The following NPAT variants were observed in gnomAD, a reference collection of about 807,000 sequenced individuals.
The protein encoded by NPAT is protein NPAT.
NPAT carries 52 observed loss-of-function variants against 130.7 expected under a neutral mutation model. The ratio of observed to expected loss-of-function variants is 0.40; its 90% CI spans 0.32 to 0.50. The LOEUF (loss-of-function observed/expected upper bound fraction) is 0.50, where lower values mean the gene tolerates loss of function less well. Ranked by LOEUF, NPAT falls within the 20% of genes least tolerant of loss-of-function variation. NPAT has a pLI of 0.68. For missense variants in NPAT, 1,687 were observed against 1,662.6 expected (o/e 1.01, Z -0.26); for synonymous variants, 580 against 584.8 (o/e 0.99, Z 0.12).
At chr11:108,209,888 C>CAAAAAAAAAAAAAAAAAAAAAA (rs58890849) in intron 1 of NPAT, among the ~76,000 whole-genome samples, 1 of 70,806 alleles carries the variant, frequency 1.4e-5, no homozygotes, top group Non-Finnish European at 2.5e-5. Flanking sequence ...GACTTCATCT[C>CAAAAAAAAAAAAAAAAAAAAAA]AAAAAAAAAA....
chr11:108,196,817 G>T (rs2078226292), intron 2 of NPAT, among the ~76,000 whole-genome samples: 1 of 152,118 alleles, frequency 6.6e-6, no homozygotes, highest in Non-Finnish European at 1.5e-5. Context: ...AGACATTCAT[G>T]TTATCTGTGA....
chr11:108,178,994 C>G (rs1321881186), intron 10 of NPAT, among the ~76,000 whole-genome samples: 1 of 152,138 alleles, frequency 6.6e-6, no homozygotes, highest in Non-Finnish European at 1.5e-5. Flanking sequence ...TTGATAGTAA[C>G]CAACACGGTA....
intron 10 of NPAT, among the ~76,000 whole-genome samples, chr11:108,177,964 G>A (rs879679418): frequency 6.6e-6 from 1 of 152,060 alleles, no homozygotes; most frequent in Non-Finnish European, 1.5e-5. Flanking sequence ...CATGCGATCC[G>A]CCCACCTCGG....
At position 108,222,596 on chromosome 11, in the gene NPAT, C is replaced by T; in HGVS notation, c.-60G>A. On this transcript the variant is annotated 5_prime_UTR_variant, in exon 1 of 18. Coordinates refer to ENST00000278612, the MANE Select transcript of NPAT (RefSeq NM_002519.3). ...AAGACTCAGGTTAAAGCAAACACAG[C>T]GACAGCTCCTGCGCCGCATCTCCTG... The T allele has an allele frequency of 6.3e-7, 1 of 1,583,906 alleles. No homozygotes were observed. The highest frequency in any genetic ancestry group is 8.7e-7 in the Non-Finnish European group (1 of 1,155,292).
intron 10 of NPAT, among the ~76,000 whole-genome samples, chr11:108,182,533 T>C (rs1446937495): frequency 2.0e-5 from 3 of 152,262 alleles, no homozygotes; most frequent in Non-Finnish European, 4.4e-5. Flanking sequence ...AGTCTCACTC[T>C]GTCGCCTACG....
intron 1 of NPAT, among the ~76,000 whole-genome samples, chr11:108,207,171 T>C (rs2078336759): frequency 6.6e-6 from 1 of 152,244 alleles, no homozygotes. Flanking sequence ...TTCTCACAGC[T>C]GGTAGTCCCA....
chr11:108,209,286 A>T (rs1469579953), intron 1 of NPAT, among the ~76,000 whole-genome samples: 1 of 152,012 alleles, frequency 6.6e-6, no homozygotes, highest in Non-Finnish European at 1.5e-5. Context: ...TGTCAAAAAT[A>T]AATAACTAAA....
chr11:108,179,101 A>G (rs868867291), intron 10 of NPAT, among the ~76,000 whole-genome samples: 28 of 152,232 alleles, frequency 1.8e-4, no homozygotes, highest in Non-Finnish European at 2.1e-4. Context: ...CTTCAACAAG[A>G]GGACCAAGAT....
intron 1 of NPAT, among the ~76,000 whole-genome samples, chr11:108,206,411 G>T (rs2078325685): frequency 2.0e-5 from 3 of 152,320 alleles, no homozygotes; most frequent in East Asian, 3.9e-4. Context: ...GGGTGTATGA[G>T]TGAGCTCAGC....
At chr11:108,165,180 G>T (rs1201026220) in intron 15 of NPAT, among the ~76,000 whole-genome samples, 1 of 152,016 alleles carries the variant, frequency 6.6e-6, no homozygotes, top group Non-Finnish European at 1.5e-5. Flanking sequence ...TAAAAATCTG[G>T]TGTTATTTTG....
chr11:108,168,963 G>A (rs1037692638), intron 15 of NPAT, among the ~76,000 whole-genome samples: 4 of 152,144 alleles, frequency 2.6e-5, no homozygotes, highest in African/African-American at 9.7e-5. Context: ...TGGGCAAAGG[G>A]GAGTTGCTGA....
intron 6 of NPAT, among the ~76,000 whole-genome samples, chr11:108,188,551 T>G (rs1291222323): frequency 2.0e-5 from 3 of 152,208 alleles, no homozygotes; most frequent in Non-Finnish European, 4.4e-5. Flanking sequence ...GTTTGTGAAC[T>G]GAGAGTGCTA....
At chr11:108,200,083 T>C (rs1009811482) in intron 1 of NPAT, among the ~76,000 whole-genome samples, 3 of 152,234 alleles carry the variant, frequency 2.0e-5, no homozygotes, top group Non-Finnish European at 2.9e-5. Context: ...CTTTCCCCTG[T>C]TGAAGGAATC....
In NPAT at chr11:108,161,168, G is replaced by C. The variant is rs774397839; in HGVS notation, c.3918C>G (p.Val1306=). The change falls in exon 17 of 18, where the codon GTC becomes GTG. Residue 1306 remains valine, a synonymous_variant. Transcript: ENST00000278612. Reference sequence around the variant, plus strand: ...CAGGCAAGTCTGGGGTGACAGGAGGGACCATTACTTTTGATGTACTACTGT... The same window carrying C: ...CAGGCAAGTCTGGGGTGACAGGAGGCACCATTACTTTTGATGTACTACTGT... ...SEDSSTSKVM[V]PPVTPDLPAC... is the part of the protein sequence containing the mutation. 4 of 1,614,136 alleles carry C rather than the reference G, an allele frequency of 2.5e-6. No homozygotes were observed. The highest frequency in any genetic ancestry group is 3.4e-6 in the Non-Finnish European group (4 of 1,180,028).
intron 1 of NPAT, among the ~76,000 whole-genome samples, chr11:108,212,665 C>G (rs562579028): frequency 2.0e-5 from 3 of 152,036 alleles, no homozygotes; most frequent in African/African-American, 7.2e-5. Context: ...CTATTAGAGG[C>G]CAGGCACCAC....
intron 4 of NPAT, among the ~76,000 whole-genome samples, 182 bp from the exon 5 acceptor site, chr11:108,190,682 A>G (rs1002352090): frequency 6.6e-6 from 1 of 152,236 alleles, no homozygotes; most frequent in African/African-American, 2.4e-5. Context: ...TAGGAGAAAA[A>G]TAGTGGCATG....
chr11:108,204,022 C>T (rs2078300247), intron 1 of NPAT, among the ~76,000 whole-genome samples: 1 of 152,218 alleles, frequency 6.6e-6, no homozygotes, highest in South Asian at 2.1e-4. Context: ...ACTGGGAACT[C>T]TTAGGCCTCT....
At chr11:108,159,977 C>G (rs904748973) in intron 17 of NPAT, among the ~76,000 whole-genome samples, 7 of 151,822 alleles carry the variant, frequency 4.6e-5, no homozygotes, top group African/African-American at 1.7e-4. Context: ...ACGGTGAAAC[C>G]CCATCTCTAC....
At chr11:108,221,981 G>A (rs1183048083) in intron 1 of NPAT, among the ~76,000 whole-genome samples, 3 of 152,166 alleles carry the variant, frequency 2.0e-5, no homozygotes, top group Non-Finnish European at 4.4e-5. Flanking sequence ...ACTGGACGAC[G>A]TATTGCGTGG....
Sources: gnomAD v4.1 joint callset for allele counts (sites outside exome capture counted in the v4.1 genomes callset) on GRCh38, gnomAD v4.1.1 for gene constraint, MANE v1.5 for transcripts, NCBI Gene and HGNC (gene_info 2026-07-23, HGNC 2026-07-21) for gene names.